The following ECT2 variants were observed in gnomAD, a reference collection of about 807,000 sequenced individuals.
ECT2 encodes the protein epithelial cell transforming 2.
Under a neutral mutation model 116.9 loss-of-function variants are expected in ECT2, and 61 were observed. The ratio of observed to expected loss-of-function variants is 0.52; its 90% confidence interval spans 0.42 to 0.65. The LOEUF (loss-of-function observed/expected upper bound fraction) is 0.65, where lower values mean the gene tolerates loss of function less well. Ranked by LOEUF, ECT2 falls within the 30% of genes least tolerant of loss-of-function variation. The pLI is 0.00. For synonymous variants in ECT2, 358 were observed against 346.4 expected (o/e 1.03, Z -0.37); for missense variants, 937 against 1,078.7 (o/e 0.87, Z 1.84).
At chr3:172,772,125 C>T (rs550301543) in intron 13 of ECT2, among the ~76,000 whole-genome samples, 7 of 152,188 alleles carry the variant, frequency 4.6e-5, no homozygotes, top group South Asian at 4.1e-4. Context: ...CTCAGCCTCC[C>T]GAGCACTTGG....
At chr3:172,786,370 T>G (rs1723608628) in intron 17 of ECT2, 123 bp from the exon 18 acceptor site, 5 of 633,638 alleles carry the variant, frequency 7.9e-6, no homozygotes, top group Non-Finnish European at 1.3e-5. Flanking sequence ...CTTAAAACTT[T>G]TTAAAAAATA....
intron 13 of ECT2, among the ~76,000 whole-genome samples, chr3:172,773,005 A>AAAG (rs1720929030): frequency 6.6e-6 from 1 of 152,198 alleles, no homozygotes; most frequent in African/African-American, 2.4e-5. Flanking sequence ...CTAGAACACC[A>AAAG]CAGCTTTGTA....
chr3:172,760,057 A>G (rs1717917110), intron 6 of ECT2, 99 bp from the exon 7 acceptor site: 1 of 604,360 alleles, frequency 1.7e-6, no homozygotes, highest in Non-Finnish European at 2.7e-6. Flanking sequence ...TATTTTATAA[A>G]TAGAAAGTAT....
At chr3:172,812,496 G>GA (rs974381526) in intron 22 of ECT2, among the ~76,000 whole-genome samples, 70 of 149,764 alleles carry the variant, frequency 4.7e-4, no homozygotes, top group African/African-American at 1.5e-3. Context: ...GCTTTCAGTT[G>GA]AAAAAAAAAG....
chr3:172,763,080 A>C (rs1404127400), intron 11 of ECT2, 108 bp downstream of exon 11: 2 of 1,120,972 alleles, frequency 1.8e-6, no homozygotes, highest in Non-Finnish European at 2.6e-6. Context: ...CAGAATGATT[A>C]AAACAATTGG....
downstream of ECT2, among the ~76,000 whole-genome samples, chr3:172,823,455 G>A (rs1730768214): frequency 6.6e-6 from 1 of 152,104 alleles, no homozygotes; most frequent in Non-Finnish European, 1.5e-5. Context: ...ATATTTGACA[G>A]TGTTTCTGCT....
chr3:172,771,488 A>G (rs563879989), intron 13 of ECT2: 6 of 152,246 alleles, frequency 3.9e-5, no homozygotes, highest in East Asian at 1.9e-4. Flanking sequence ...AGTAAACAAT[A>G]CAAGTGATCA....
At position 172,817,743 on chromosome 3, in the gene ECT2, A is replaced by G. The variant is rs1230020131; in HGVS notation, c.2655+906A>G. ...CTGTTCTTTATAAAATTATTAACCTACTGAAGTTAAGAAAAGCAAGTGACT... is the reference window on the plus strand; with the variant it reads ...CTGTTCTTTATAAAATTATTAACCTGCTGAAGTTAAGAAAAGCAAGTGACT... On this transcript the variant is annotated intron_variant, in intron 24 of 24. Transcript: ENST00000392692. Among the ~76,000 whole-genome samples, 8 of 152,232 alleles carry G rather than the reference A, an allele frequency of 5.3e-5. No individual in the cohort carries two copies. The East Asian group carries it at 1.5e-3, about 29-fold the overall frequency.
chr3:172,781,999 G>A (rs761468075), intron 14 of ECT2, among the ~76,000 whole-genome samples, 164 bp from the exon 15 acceptor site: 2 of 152,202 alleles, frequency 1.3e-5, no homozygotes, highest in East Asian at 3.9e-4. Flanking sequence ...TGTAGTAAAA[G>A]TTAATTCCTT....
At position 172,755,505 on chromosome 3, in the gene ECT2, C is replaced by T; in HGVS notation, c.233C>T (p.Pro78Leu). ...CAGACTATTAAAATAATGGAAGTCC[C>T]TGTTATAAAGATAAAAGAAAGTTGT... ...ALKTIKIMEV[P>L]VIKIKESCPG... Residue 78 changes from proline (P) to leucine (L), a missense_variant, in exon 4 of 25, where the codon CCT becomes CTT. Coordinates refer to ENST00000392692, the MANE Select transcript of ECT2 (RefSeq NM_001258315.2). 6.6e-7 allele frequency: 1 copy of T among 1,503,908 alleles called. No individual in the cohort carries two copies. The highest frequency in any genetic ancestry group is 2.5e-5 in the East Asian group (1 of 40,412). 93.2% of individuals were successfully genotyped at this position (1,503,908 alleles called of 1,614,324 possible).
At chr3:172,755,200 G>A (rs1241928183) in intron 2 of ECT2, 95 bp from the exon 3 acceptor site, 1 of 826,128 alleles carries the variant, frequency 1.2e-6, no homozygotes, top group Admixed American at 3.3e-5. Context: ...CCTCAAAGAT[G>A]TAATACATAC....
intron 14 of ECT2, among the ~76,000 whole-genome samples, chr3:172,778,568 G>A (rs1722152099): frequency 7.2e-6 from 1 of 138,170 alleles, no homozygotes; most frequent in Non-Finnish European, 1.6e-5. Flanking sequence ...TTATTACTTA[G>A]TTCCTGAGCT....
At chr3:172,774,921 T>A (rs1721377818) in intron 14 of ECT2, among the ~76,000 whole-genome samples, 1 of 152,216 alleles carries the variant, frequency 6.6e-6, no homozygotes, top group Non-Finnish European at 1.5e-5. Context: ...TCCTATTGTT[T>A]TTGCTCTTGG....
rs185987623 is a variant in ECT2, at chr3:172,805,672, A to G, written c.2107-59A>G. On this transcript the variant is annotated intron_variant, in intron 20 of 24. Transcript: ENST00000392692. The stretch of plus-strand genomic sequence containing the variant: ...GTGATTAGTGCTATTTTATTTTTTA[A>G]GTATTTGGTCCTTTTTCTTCATTTT... 58 of 1,505,630 alleles carry G rather than the reference A, an allele frequency of 3.9e-5. No homozygotes were observed. In the African/African-American group the frequency reaches 6.0e-4, roughly 16 times the overall value. The allele number at this position is 1,505,630 out of a possible 1,614,324, so 93.3% of individuals were successfully genotyped here.
At chr3:172,763,868 T>A (rs1359383170) in intron 11 of ECT2, among the ~76,000 whole-genome samples, 1 of 152,222 alleles carries the variant, frequency 6.6e-6, no homozygotes, top group Non-Finnish European at 1.5e-5. Flanking sequence ...TTAAAAAGTG[T>A]GCTTTAGATT....
In ECT2 at chr3:172,757,087, T is replaced by G; in HGVS notation, c.408T>G (p.Ser136=). 6.2e-7 allele frequency: 1 copy of G among 1,610,656 alleles called. No individual in the cohort carries two copies. Among genetic ancestry groups the G allele is most frequent in the Non-Finnish European group, 8.5e-7 (1 of 1,178,796 alleles). Residue 136 remains serine (S), a synonymous_variant, in exon 5 of 25, where the codon TCT becomes TCG. Transcript: ENST00000392692. The stretch of plus-strand genomic sequence containing the variant: ...TTGTAGTCACGGACTTTCAGGATTC[T>G]GTCTTTAATGACCTCTACAAGGCTG... The part of the protein sequence containing the change: ...NVFVVTDFQD[S]VFNDLYKADC...
At chr3:172,808,855 C>A (rs1728224784) in intron 22 of ECT2, among the ~76,000 whole-genome samples, 1 of 152,076 alleles carries the variant, frequency 6.6e-6, no homozygotes, top group African/African-American at 2.4e-5. Context: ...TTGATGAAAA[C>A]CTCCTTCCAA....
intron 16 of ECT2, among the ~76,000 whole-genome samples, chr3:172,784,420 G>A (rs1047571936): frequency 6.6e-6 from 1 of 151,912 alleles, no homozygotes; most frequent in Non-Finnish European, 1.5e-5. Flanking sequence ...AATATTAAAT[G>A]TGCTTTTTCT....
At position 172,762,397 on chromosome 3, in the gene ECT2, G is replaced by A. The variant is rs1455444787; in HGVS notation, c.759-19G>A. The A allele has an allele frequency of 1.3e-6, 2 of 1,582,404 alleles. No homozygotes were observed. The highest frequency in any genetic ancestry group is 4.0e-5 in the Admixed American group (2 of 49,968). On this transcript the variant is annotated intron_variant, in intron 8 of 24. Transcript: ENST00000392692. ...AATTTAAGTTAAACTGGTTTTGGAA[G>A]AGTGTATTTTGTTTTTAGGGATTTC...
Sources: allele counts gnomAD v4.1 joint callset (sites outside exome capture counted in the v4.1 genomes callset), GRCh38; gene constraint gnomAD v4.1.1; transcripts MANE v1.5; gene names NCBI Gene and HGNC (gene_info 2026-07-23, HGNC 2026-07-21).